MATR3: variants seen among roughly 807,000 people sequenced by gnomAD.
The protein encoded by MATR3 is matrin-3.
A neutral mutation model predicts 85.5 loss-of-function variants in MATR3; 4 were observed. The ratio of observed to expected loss-of-function variants is 0.05; its 90% CI spans 0.02 to 0.11. The LOEUF is 0.11. Among genes scored for constraint, MATR3 ranks in the 10% least tolerant of loss-of-function variants. MATR3 has a pLI of 1.00. For synonymous variants in MATR3, 336 were observed against 343.1 expected (o/e 0.98, Z 0.23); for missense variants, 685 against 1,016.1 (o/e 0.67, Z 4.43).
At chr5:139,297,371 C>T (rs1023852310) in intron 1 of MATR3, among the ~76,000 whole-genome samples, 1 of 152,068 alleles carries the variant, frequency 6.6e-6, no homozygotes, top group Non-Finnish European at 1.5e-5. Flanking sequence ...TGTAGCAAAC[C>T]TTTCTCATTG....
chr5:139,306,225 CAA>C (rs1754698978), intron 1 of MATR3, among the ~76,000 whole-genome samples: 1 of 152,060 alleles, frequency 6.6e-6, no homozygotes, highest in South Asian at 2.1e-4. Context: ...TGAGGTACAA[CAA>C]TAATGATTTA....
chr5:139,314,410 A>C (rs567711254), intron 2 of MATR3: 2 of 419,392 alleles, frequency 4.8e-6, no homozygotes, highest in African/African-American at 4.1e-5. Flanking sequence ...TATTAACTCT[A>C]TATCTTTTCC....
chr5:139,324,316 C>T (rs1223722577), intron 12 of MATR3, among the ~76,000 whole-genome samples: 1 of 111,110 alleles, frequency 9.0e-6, no homozygotes, highest in East Asian at 2.7e-4. Context: ...TTTTTGGAGA[C>T]GGAGTCTTGC....
intron 3 of MATR3, among the ~76,000 whole-genome samples, chr5:139,284,666 G>A (rs184573605): frequency 6.6e-6 from 1 of 151,694 alleles, no homozygotes; most frequent in East Asian, 1.9e-4. Flanking sequence ...TCAGACATCT[G>A]TTAACTAAAA....
At chr5:139,309,452 A>C (rs1285235665) in intron 2 of MATR3, among the ~76,000 whole-genome samples, 4 of 152,094 alleles carry the variant, frequency 2.6e-5, no homozygotes, top group Non-Finnish European at 5.9e-5. Context: ...TTTTTAGTAA[A>C]TGAGTATGGA....
chr5:139,276,439 T>C (rs1753277898), intron 2 of MATR3: 1 of 325,652 alleles, frequency 3.1e-6, no homozygotes, highest in South Asian at 2.5e-5. Flanking sequence ...GATAGCTAAA[T>C]TTAAAAAAAA....
intron 4 of MATR3, 167 bp from the exon 5 acceptor site, chr5:139,315,909 T>G (rs1755216740): frequency 2.7e-6 from 2 of 746,790 alleles, no homozygotes; most frequent in African/African-American, 3.5e-5. Flanking sequence ...TATGTAGTAA[T>G]TTGTATTCTT....
At chr5:139,292,006 T>C (rs1345253222), upstream of MATR3, 1 of 135,880 alleles carries the variant, frequency 7.4e-6, no homozygotes, top group African/African-American at 2.7e-5. Context: ...GAGTGTGCAG[T>C]GGTGCACTAG....
At chr5:139,294,481 G>GCT (rs1393946662) in intron 1 of MATR3, 1 of 153,898 alleles carries the variant, frequency 6.5e-6, no homozygotes, top group Non-Finnish European at 1.4e-5. Context: ...ACACGCGCGC[G>GCT]CGCGCGCGGC....
chr5:139,292,690 G>A (rs958768349), upstream of MATR3, among the ~76,000 whole-genome samples: 2 of 152,148 alleles, frequency 1.3e-5, no homozygotes, highest in African/African-American at 4.8e-5. Context: ...AAACCAGCTG[G>A]CCACTTTGGG....
chr5:139,331,214 C>T lies in MATR3; in HGVS notation c.*1819C>T, dbSNP rs750699503. ...GTTGGCTAAATTTTATGATCTCTCC[C>T]GTTGAAAAGTAGGTGATGATTTTAA... On this transcript the variant is annotated 3_prime_UTR_variant, in exon 15 of 15. Coordinates refer to ENST00000394805, the MANE Select transcript of MATR3 (RefSeq NM_018834.6). 8 of 453,976 alleles carry T rather than the reference C, an allele frequency of 1.8e-5. No individual in the cohort carries two copies. Among genetic ancestry groups the T allele is most frequent in the African/African-American group, 6.0e-5 (3 of 49,990 alleles). The allele number at this position is 453,976 out of a possible 1,614,324, so 28.1% of individuals were successfully genotyped here. A position where few individuals can be genotyped will look rare whatever the true frequency, so the allele number is the denominator to read the frequency against.
intron 1 of MATR3, among the ~76,000 whole-genome samples, chr5:139,295,417 A>T (rs1754094116): frequency 6.6e-6 from 1 of 152,182 alleles, no homozygotes; most frequent in South Asian, 2.1e-4. Flanking sequence ...AAGTGCTTTA[A>T]ATTTGTATTT....
chr5:139,313,174 C>G (rs1307230514), intron 2 of MATR3: 1 of 152,034 alleles, frequency 6.6e-6, no homozygotes. Context: ...AACACATCGC[C>G]TGACCATGTT....
chr5:139,305,946 C>T (rs1049770300), intron 1 of MATR3, among the ~76,000 whole-genome samples: 5 of 152,048 alleles, frequency 3.3e-5, no homozygotes, highest in Non-Finnish European at 5.9e-5. Context: ...GAAATTGATC[C>T]TGTAATAGAC....
intron 14 of MATR3, among the ~76,000 whole-genome samples, chr5:139,327,955 G>A (rs529948741): frequency 5.9e-5 from 9 of 151,844 alleles, no homozygotes; most frequent in South Asian, 4.1e-4. Context: ...TCTGCGTCCC[G>A]GGTTCAAGCA....
chr5:139,325,327 T>C (rs1164006813), intron 12 of MATR3, 113 bp from the exon 13 acceptor site: 1 of 1,571,710 alleles, frequency 6.4e-7, no homozygotes, highest in African/African-American at 1.4e-5. Flanking sequence ...GAAGGTTTTG[T>C]CACTCTAGAT....
rs1269998084 is a variant in MATR3 at position 139,331,184 on chromosome 5, A to G, written c.*1789A>G. On this transcript the variant is annotated 3_prime_UTR_variant, in exon 15 of 15. Coordinates refer to ENST00000394805, the MANE Select transcript of MATR3 (RefSeq NM_018834.6). ...ACCCCAGTTTATTAAAGGATACTTC[A>G]AATAGTTGGCTAAATTTTATGATCT... 3 of 454,014 alleles carry G rather than the reference A, an allele frequency of 6.6e-6. No individual in the cohort carries two copies. In the East Asian group the frequency reaches 2.1e-4, roughly 31 times the overall value. The allele number at this position is 454,014 out of a possible 1,614,324, so 28.1% of individuals were successfully genotyped here.
At chr5:139,312,652 T>G (rs1755048112) in intron 2 of MATR3, 1 of 152,116 alleles carries the variant, frequency 6.6e-6, no homozygotes, top group South Asian at 2.1e-4. Context: ...AGGATTTTAT[T>G]TTTATTTATT....
intron 12 of MATR3, 24 bp from the exon 13 acceptor site, chr5:139,325,416 G>A (rs748208649): frequency 1.2e-6 from 2 of 1,614,164 alleles, no homozygotes; most frequent in Admixed American, 3.3e-5. Context: ...TGACAAAAAT[G>A]ATGATGGTTT....
Sources: gnomAD v4.1 joint callset for allele counts (sites outside exome capture counted in the v4.1 genomes callset) on GRCh38, gnomAD v4.1.1 for gene constraint, MANE v1.5 for transcripts, NCBI Gene and HGNC (gene_info 2026-07-23, HGNC 2026-07-21) for gene names.